ASAP1: variants seen among roughly 807,000 people sequenced by gnomAD.
ASAP1 encodes the protein ArfGAP with SH3 domain, ankyrin repeat and PH domain 1, also known as arf-GAP with SH3 domain, ANK repeat and PH domain-containing protein 1.
ASAP1 carries 43 observed loss-of-function variants against 145.2 expected under a neutral mutation model. The ratio of observed to expected loss-of-function variants is 0.30; its 90% CI spans 0.23 to 0.38. The LOEUF (loss-of-function observed/expected upper bound fraction) is 0.38. Ranked by LOEUF, ASAP1 falls within the 10% of genes least tolerant of loss-of-function variation. ASAP1 has a pLI of 1.00. For synonymous variants in ASAP1, 546 were observed against 515.5 expected, an observed-to-expected ratio of 1.06 and a Z score of -0.80; for missense variants, 1,018 against 1,355.3, an observed-to-expected ratio of 0.75 and a Z score of 3.91.
At chr8:130,233,682 C>T (rs1228168674) in intron 4 of ASAP1, among the ~76,000 whole-genome samples, 2 of 152,266 alleles carry the variant, frequency 1.3e-5, no homozygotes, top group East Asian at 1.9e-4. Context: ...TATAGCGCTT[C>T]CTAGTTTCTA....
chr8:130,357,862 C>T (rs555131259), intron 3 of ASAP1, among the ~76,000 whole-genome samples, 155 bp downstream of exon 3: 1 of 152,346 alleles, frequency 6.6e-6, no homozygotes, highest in Non-Finnish European at 1.5e-5. Flanking sequence ...GGGAAGGCGC[C>T]GCCCGTCCGA....
At chr8:130,263,097 C>T (rs1820038123) in intron 3 of ASAP1, among the ~76,000 whole-genome samples, 1 of 152,190 alleles carries the variant, frequency 6.6e-6, no homozygotes, top group South Asian at 2.1e-4. Flanking sequence ...GAATAGCTCC[C>T]TTTGACTTGG....
At chr8:130,191,898 C>G (rs577006453) in intron 5 of ASAP1, among the ~76,000 whole-genome samples, 2 of 152,074 alleles carry the variant, frequency 1.3e-5, no homozygotes, top group Non-Finnish European at 1.5e-5. Flanking sequence ...TTCTTCCTAA[C>G]CCTTTCCTGT....
At chr8:130,220,644 G>A (rs1270999212) in intron 4 of ASAP1, among the ~76,000 whole-genome samples, 4 of 152,040 alleles carry the variant, frequency 2.6e-5, no homozygotes, top group South Asian at 2.1e-4. Context: ...TGAGACCAGC[G>A]TGGGCAACAT....
chr8:130,146,581 C>T (rs1283934667), intron 13 of ASAP1, among the ~76,000 whole-genome samples: 2 of 152,158 alleles, frequency 1.3e-5, no homozygotes, highest in African/African-American at 2.4e-5. Context: ...GCTCCGAAGG[C>T]CAGTAACAGA....
At chr8:130,346,235 C>T (rs1048935501) in intron 3 of ASAP1, among the ~76,000 whole-genome samples, 10 of 152,112 alleles carry the variant, frequency 6.6e-5, no homozygotes, top group Non-Finnish European at 1.0e-4. Flanking sequence ...TGAAGACATA[C>T]GTGAACATGA....
chr8:130,390,011 G>A (rs1227965814), intron 2 of ASAP1, among the ~76,000 whole-genome samples: 1 of 152,194 alleles, frequency 6.6e-6, no homozygotes, highest in African/African-American at 2.4e-5. Context: ...ATCACCTGTG[G>A]TGGTTGTTAA....
intron 2 of ASAP1, among the ~76,000 whole-genome samples, chr8:130,400,352 C>A (rs750797935): frequency 3.9e-5 from 6 of 152,182 alleles, no homozygotes; most frequent in African/African-American, 1.4e-4. Flanking sequence ...TTTTATCATC[C>A]TCTAACACAA....
intron 24 of ASAP1, among the ~76,000 whole-genome samples, chr8:130,098,882 T>C (rs1166511435): frequency 6.6e-6 from 1 of 152,134 alleles, no homozygotes; most frequent in Non-Finnish European, 1.5e-5. Context: ...CAGGAACTTA[T>C]CCTTCCCATC....
At chr8:130,236,770 C>T (rs534943609) in intron 4 of ASAP1, 152 bp downstream of exon 4, 5 of 543,724 alleles carry the variant, frequency 9.2e-6, no homozygotes, top group African/African-American at 7.7e-5. Context: ...GGCTGACAGT[C>T]GAGATAAGAG....
chr8:130,370,360 C>T (rs568208847), intron 2 of ASAP1, among the ~76,000 whole-genome samples: 51 of 152,182 alleles, frequency 3.4e-4, no homozygotes, highest in African/African-American at 1.2e-3. Context: ...TATTTTTCAG[C>T]CATATAAGGA....
intron 4 of ASAP1, among the ~76,000 whole-genome samples, chr8:130,216,842 T>A (rs1405533970): frequency 6.6e-6 from 1 of 152,350 alleles, no homozygotes; most frequent in East Asian, 1.9e-4. Flanking sequence ...CCCATTCTTT[T>A]TCTCACAGTC....
chr8:130,391,088 T>A (rs150696419), intron 2 of ASAP1, among the ~76,000 whole-genome samples: 1 of 152,304 alleles, frequency 6.6e-6, no homozygotes, highest in East Asian at 1.9e-4. Context: ...TACAATGGAA[T>A]GTTATTTAGC....
intron 9 of ASAP1, among the ~76,000 whole-genome samples, chr8:130,169,365 G>A (rs1349966006): frequency 1.3e-5 from 2 of 152,138 alleles, no homozygotes; most frequent in South Asian, 2.1e-4. Context: ...ATTTCATAAC[G>A]TACATATGCA....
intron 3 of ASAP1, among the ~76,000 whole-genome samples, chr8:130,332,928 A>T (rs1389724617): frequency 2.0e-5 from 3 of 147,568 alleles, no homozygotes; most frequent in African/African-American, 7.5e-5. Flanking sequence ...TTTTTTTTTT[A>T]AAGGGAAAAT....
chr8:130,307,175 C>T (rs1485443175), intron 3 of ASAP1, among the ~76,000 whole-genome samples: 1 of 152,188 alleles, frequency 6.6e-6, no homozygotes, highest in Non-Finnish European at 1.5e-5. Context: ...CTACAATGTA[C>T]CCTCTATGAA....
chr8:130,228,941 C>T lies in ASAP1; in HGVS notation c.259+7981G>A, dbSNP rs73427331. On this transcript the variant is annotated intron_variant, in intron 4 of 29. Transcript: ENST00000518721. ...TCAGCACGGGGTGTTCCAGTCCCCC[C>T]AGCACCCATACAGCTCTCCACAATG... 6.3e-3 allele frequency among the ~76,000 whole-genome samples: 960 copies of T among 152,150 alleles called. 9 individuals carry two copies. Among genetic ancestry groups the T allele is most frequent in the African/African-American group, 0.022 (930 of 41,514 alleles).
chr8:130,293,985 A>C (rs1822104381), intron 3 of ASAP1, among the ~76,000 whole-genome samples: 2 of 152,250 alleles, frequency 1.3e-5, no homozygotes, highest in African/African-American at 4.8e-5. Context: ...ATACTCTGCT[A>C]ATGTTTTACC....
intron 13 of ASAP1, among the ~76,000 whole-genome samples, chr8:130,151,370 C>CAA (rs58367856): frequency 4.1e-4 from 26 of 62,854 alleles, no homozygotes; most frequent in Admixed American, 9.1e-4. Context: ...GACTCAGTCT[C>CAA]AAAAAAAAAA....
Sources: allele counts gnomAD v4.1 joint callset (sites outside exome capture counted in the v4.1 genomes callset), GRCh38; gene constraint gnomAD v4.1.1; transcripts MANE v1.5; gene names NCBI Gene and HGNC (gene_info 2026-07-23, HGNC 2026-07-21).